FHIP1A: variants seen among roughly 807,000 people sequenced by gnomAD.
The protein encoded by FHIP1A is FHF complex subunit HOOK-interacting protein 1A.
Under a neutral mutation model 88.6 loss-of-function variants are expected in FHIP1A, and 61 were observed. The observed-to-expected ratio is 0.69, with a 90% CI of 0.56 to 0.85. The LOEUF (loss-of-function observed/expected upper bound fraction) is 0.85. Among genes scored for constraint, FHIP1A ranks in the 40% least tolerant of loss-of-function variants. FHIP1A has a pLI of 0.00. For missense variants in FHIP1A, 1,154 were observed against 1,273.5 expected (o/e 0.91, Z 1.43); for synonymous variants, 478 against 496.0 (o/e 0.96, Z 0.48).
intron 5 of FHIP1A, among the ~76,000 whole-genome samples, chr4:151,586,047 C>A (rs1408986858): frequency 2.6e-5 from 4 of 152,078 alleles, no homozygotes; most frequent in African/African-American, 9.7e-5. Context: ...TTGTGAAGAT[C>A]AAATGAGAAA....
chr4:151,543,002 C>T (rs563147876), intron 3 of FHIP1A, among the ~76,000 whole-genome samples: 32 of 152,252 alleles, frequency 2.1e-4, no homozygotes, highest in African/African-American at 7.5e-4. Context: ...TATTATGTTG[C>T]CTAAAATGCC....
At chr4:151,591,284 T>A (rs1734417870) in intron 7 of FHIP1A, among the ~76,000 whole-genome samples, 1 of 152,074 alleles carries the variant, frequency 6.6e-6, no homozygotes, top group Non-Finnish European at 1.5e-5. Flanking sequence ...CTTGAGGGGT[T>A]CCCAGTGAGA....
At chr4:151,409,730 C>T (rs1732532436) in intron 1 of FHIP1A, among the ~76,000 whole-genome samples, 1 of 152,026 alleles carries the variant, frequency 6.6e-6, no homozygotes, top group Admixed American at 6.6e-5. Context: ...CGGTGACTGA[C>T]CCTGGGAGAG....
intron 7 of FHIP1A, among the ~76,000 whole-genome samples, chr4:151,593,229 T>C (rs145409501): frequency 0.034 from 5,149 of 152,326 alleles, 295 homozygotes; most frequent in African/African-American, 0.12. Flanking sequence ...TTGCTTAGGA[T>C]TGTCTTGGCT....
intron 3 of FHIP1A, among the ~76,000 whole-genome samples, chr4:151,486,277 C>A (rs942328768): frequency 1.3e-5 from 2 of 152,102 alleles, no homozygotes; most frequent in Non-Finnish European, 2.9e-5. Context: ...CTGATATGTG[C>A]TATTGTGCAA....
intron 5 of FHIP1A, among the ~76,000 whole-genome samples, chr4:151,582,459 A>G (rs1236230301): frequency 2.0e-5 from 3 of 152,102 alleles, no homozygotes; most frequent in African/African-American, 7.2e-5. Flanking sequence ...AATCCTGGCA[A>G]CAACTTAGTG....
chr4:151,601,956 C>T (rs1041629599), intron 7 of FHIP1A, among the ~76,000 whole-genome samples: 5 of 151,864 alleles, frequency 3.3e-5, no homozygotes, highest in South Asian at 2.1e-4. Context: ...ACATGGATGG[C>T]GGCAGGCATA....
chr4:151,576,844 A>T (rs2126789079), intron 4 of FHIP1A: 1 of 152,474 alleles, frequency 6.6e-6, no homozygotes, highest in East Asian at 1.9e-4. Flanking sequence ...TGTCAAGGGC[A>T]TATGAGTAGC....
At chr4:151,569,421 G>A (rs1406593312) in intron 4 of FHIP1A, among the ~76,000 whole-genome samples, 6 of 151,714 alleles carry the variant, frequency 4.0e-5, no homozygotes, top group African/African-American at 1.2e-4. Flanking sequence ...GCATGGTGGC[G>A]GGTGCCTGTA....
chr4:151,533,423 C>T (rs1007095360), intron 3 of FHIP1A, among the ~76,000 whole-genome samples: 5 of 151,790 alleles, frequency 3.3e-5, no homozygotes, highest in Middle Eastern at 3.2e-3. Context: ...TCAAAACAAA[C>T]AAACAAACAA....
In FHIP1A at chr4:151,604,911, GTT is replaced by G. The variant is rs373388822; in HGVS notation, c.978+15987_978+15988del. On this transcript the variant is annotated intron_variant, in intron 7 of 13. Transcript: ENST00000435205. The stretch of plus-strand genomic sequence containing the variant: ...AAAATGAGTTTTTGTTGGGTTCTGT[GTT>G]TAAGAACAAGTATCATACAAAAATT... Among the ~76,000 whole-genome samples the G allele has an allele frequency of 9.2e-5, 14 of 152,152 alleles. No homozygotes were observed. The East Asian group carries it at 2.5e-3, about 27-fold the overall frequency.
At chr4:151,612,676 TCAGTCTCC>T (rs1229060604) in intron 7 of FHIP1A, among the ~76,000 whole-genome samples, 1 of 152,124 alleles carries the variant, frequency 6.6e-6, no homozygotes, top group Non-Finnish European at 1.5e-5. Context: ...GCCACCGCAC[TCAGTCTCC>T]CATATTAATT....
intron 1 of FHIP1A, among the ~76,000 whole-genome samples, chr4:151,430,801 G>A (rs952889253): frequency 6.6e-6 from 1 of 152,152 alleles, no homozygotes; most frequent in Non-Finnish European, 1.5e-5. Flanking sequence ...AACATGATAC[G>A]ATGCTTTCAG....
chr4:151,560,262 C>G (rs1403450531), intron 3 of FHIP1A, among the ~76,000 whole-genome samples: 1 of 152,130 alleles, frequency 6.6e-6, no homozygotes, highest in Non-Finnish European at 1.5e-5. Context: ...CTACAGGTTG[C>G]AAAGCTGCAC....
intron 4 of FHIP1A, among the ~76,000 whole-genome samples, chr4:151,575,943 A>G (rs955014361): frequency 1.6e-4 from 24 of 152,318 alleles, no homozygotes; most frequent in African/African-American, 5.5e-4. Context: ...ACTGCAAAAG[A>G]CACATAGATT....
chr4:151,439,387 T>C (rs1220027504), intron 1 of FHIP1A, among the ~76,000 whole-genome samples: 1 of 152,180 alleles, frequency 6.6e-6, no homozygotes, highest in East Asian at 1.9e-4. Flanking sequence ...TGCTATTATG[T>C]GGCTTAAGCC....
At chr4:151,432,210 A>G (rs1733618070) in intron 1 of FHIP1A, among the ~76,000 whole-genome samples, 1 of 152,220 alleles carries the variant, frequency 6.6e-6, no homozygotes, top group Non-Finnish European at 1.5e-5. Context: ...CAGACAGGTT[A>G]TCAAGATCAC....
intron 3 of FHIP1A, among the ~76,000 whole-genome samples, chr4:151,565,427 C>T (rs1204811227): frequency 1.3e-5 from 2 of 152,118 alleles, no homozygotes; most frequent in South Asian, 2.1e-4. Context: ...ACCTAATAAA[C>T]ACTATCTTGT....
chr4:151,658,529 G>T (rs1737335117), intron 13 of FHIP1A, among the ~76,000 whole-genome samples: 2 of 152,196 alleles, frequency 1.3e-5, no homozygotes, highest in African/African-American at 4.8e-5. Flanking sequence ...GGTTCCAAGA[G>T]TGAGAGCAGA....
Sources: gnomAD v4.1 joint callset for allele counts (sites outside exome capture counted in the v4.1 genomes callset) on GRCh38, gnomAD v4.1.1 for gene constraint, MANE v1.5 for transcripts, NCBI Gene and HGNC (gene_info 2026-07-23, HGNC 2026-07-21) for gene names.